The following LRP1B variants were observed in gnomAD, a reference collection of about 807,000 sequenced individuals.
The protein encoded by LRP1B is low-density lipoprotein receptor-related protein 1B.
In LRP1B, 217 loss-of-function variants were observed where a neutral mutation model predicts 556.6. The ratio of observed to expected loss-of-function variants is 0.39; its 90% confidence interval spans 0.35 to 0.44. The LOEUF (loss-of-function observed/expected upper bound fraction) is 0.44. Among genes scored for constraint, LRP1B ranks in the 20% least tolerant of loss-of-function variants. LRP1B has a pLI of 1.00. For synonymous variants in LRP1B, 2,047 were observed against 1,865.8 expected (o/e 1.10, Z -2.50); for missense variants, 5,053 against 5,620.8 (o/e 0.90, Z 3.23).
At chr2:140,412,066 C>G (rs1684988564) in intron 66 of LRP1B, among the ~76,000 whole-genome samples, 1 of 152,084 alleles carries the variant, frequency 6.6e-6, no homozygotes, top group African/African-American at 2.4e-5. Context: ...CACTATGTCA[C>G]TTTCACCAAG....
At chr2:141,583,816 T>C (rs963684185) in intron 2 of LRP1B, among the ~76,000 whole-genome samples, 15 of 151,144 alleles carry the variant, frequency 9.9e-5, no homozygotes, top group African/African-American at 3.6e-4. Flanking sequence ...CTCGGCTCAC[T>C]GCAACTTCTG....
intron 14 of LRP1B, among the ~76,000 whole-genome samples, chr2:141,006,283 G>T (rs1298870741): frequency 2.6e-5 from 4 of 152,044 alleles, no homozygotes; most frequent in Middle Eastern, 3.4e-3. Flanking sequence ...ATTTCTTTAT[G>T]TTGGGAACAT....
chr2:141,773,835 A>G (rs1008393611), intron 2 of LRP1B, among the ~76,000 whole-genome samples: 8 of 152,254 alleles, frequency 5.3e-5, no homozygotes, highest in Non-Finnish European at 1.2e-4. Context: ...GTGTGCAATC[A>G]AGTAGAAACA....
At chr2:141,343,264 C>A (rs1559018332) in intron 3 of LRP1B, among the ~76,000 whole-genome samples, 1 of 152,100 alleles carries the variant, frequency 6.6e-6, no homozygotes, top group African/African-American at 2.4e-5. Flanking sequence ...TGCATAATTT[C>A]TTTATCTCTA....
intron 66 of LRP1B, among the ~76,000 whole-genome samples, chr2:140,395,626 T>G (rs1684214195): frequency 6.6e-6 from 1 of 152,318 alleles, no homozygotes; most frequent in South Asian, 2.1e-4. Context: ...TTTTCAAAAC[T>G]TTTATGTTAT....
chr2:140,840,854 T>C lies in LRP1B; in HGVS notation c.5114+64A>G, dbSNP rs913631240. 4.6e-6 allele frequency: 6 copies of C among 1,292,090 alleles called. No individual in the cohort carries two copies. In the African/African-American group the frequency reaches 7.6e-5, roughly 16 times the overall value. The allele number at this position is 1,292,090 out of a possible 1,614,324, so 80.0% of individuals were successfully genotyped here. On this transcript the variant is annotated intron_variant, in intron 30 of 90. Coordinates refer to ENST00000389484, the MANE Select transcript of LRP1B (RefSeq NM_018557.3). ...TCCTCTGAATTAAGCAATGTTTTTA[T>C]ATAAAATCAGGGCAAAAGTCTATGA...
intron 7 of LRP1B, among the ~76,000 whole-genome samples, chr2:141,138,031 G>A (rs546201931): frequency 2.0e-5 from 3 of 151,928 alleles, no homozygotes; most frequent in South Asian, 4.1e-4. Context: ...TTAGATCCAA[G>A]ATTTCGAACT....
chr2:141,473,807 AGTG>A (rs60044875), intron 3 of LRP1B, among the ~76,000 whole-genome samples: 78,134 of 151,904 alleles, frequency 0.51, 20,403 homozygotes, highest in South Asian at 0.73. Flanking sequence ...TAACATTGCA[AGTG>A]TTATGCAACT....
chr2:141,419,648 TTCTC>T (rs1227230708), intron 3 of LRP1B, among the ~76,000 whole-genome samples: 1 of 152,128 alleles, frequency 6.6e-6, no homozygotes, highest in East Asian at 1.9e-4. Context: ...TTTATGAGTC[TTCTC>T]TCTTTTTTCT....
intron 3 of LRP1B, among the ~76,000 whole-genome samples, chr2:141,464,990 TAAGGA>T (rs1682125084): frequency 6.6e-6 from 1 of 151,182 alleles, no homozygotes; most frequent in South Asian, 2.1e-4. Flanking sequence ...ATCAGTGGGC[TAAGGA>T]AAGGAAACAA....
chr2:140,943,565 C>A (rs910058662), intron 20 of LRP1B, among the ~76,000 whole-genome samples: 2 of 152,090 alleles, frequency 1.3e-5, no homozygotes, highest in African/African-American at 4.8e-5. Context: ...TCATACCAAG[C>A]ATCTTCTAAA....
chr2:141,155,389 G>C (rs970058600), intron 7 of LRP1B, among the ~76,000 whole-genome samples: 85 of 151,770 alleles, frequency 5.6e-4, no homozygotes, highest in Non-Finnish European at 4.7e-4. Flanking sequence ...TAGCTTTATT[G>C]GTAAGTACAT....
intron 84 of LRP1B, among the ~76,000 whole-genome samples, chr2:140,284,810 T>C (rs1487754565): frequency 6.6e-6 from 1 of 151,378 alleles, no homozygotes; most frequent in Admixed American, 6.6e-5. Context: ...TAAAGATAGA[T>C]GTATATTTGT....
rs1201134291 is a variant in LRP1B, at chr2:141,031,300, AAG to A, written c.1790-11200_1790-11199del. 1.3e-4 allele frequency among the ~76,000 whole-genome samples: 19 copies of A among 147,720 alleles called. No homozygotes were observed. In the East Asian group the frequency reaches 1.6e-3, roughly 13 times the overall value. On this transcript the variant is annotated intron_variant, in intron 11 of 90. Transcript: ENST00000389484. ...ACACACATACATACATATATATATA[AAG>A]AGAGAGAGAGAGGAAATAAAAATGC...
chr2:141,277,148 T>C (rs561873116), intron 3 of LRP1B, among the ~76,000 whole-genome samples: 12 of 152,232 alleles, frequency 7.9e-5, no homozygotes, highest in Non-Finnish European at 1.2e-4. Flanking sequence ...CCTTTGGGTG[T>C]ATATTTAATA....
chr2:141,071,946 T>G (rs1486543919), intron 7 of LRP1B, among the ~76,000 whole-genome samples: 3 of 152,254 alleles, frequency 2.0e-5, no homozygotes, highest in Admixed American at 1.3e-4. Context: ...AATTTATAGA[T>G]TCAATGCCAT....
Position 140,536,602 on chromosome 2 carries a change from C to A in LRP1B, c.7621G>T (p.Asp2541Tyr), listed in dbSNP as rs2105003284. 1 of 1,609,272 alleles carries A rather than the reference C, an allele frequency of 6.2e-7. No individual in the cohort carries two copies. Among genetic ancestry groups the A allele is most frequent in the Non-Finnish European group, 8.5e-7 (1 of 1,178,288 alleles). Residue 2541 changes from aspartate (D) to tyrosine (Y), a missense_variant, in exon 46 of 91, where the codon GAT (aspartate) becomes TAT (tyrosine). Asp to Tyr is a radical substitution (Grantham distance 160, BLOSUM62 -3). Around this residue, in one of 5 missense-constraint regions of LRP1B, gnomAD observed 3,619 missense variants for 3,931.9 expected, o/e 0.92. Coordinates refer to ENST00000389484, the MANE Select transcript of LRP1B (RefSeq NM_018557.3). The part of the protein sequence containing the change: ...DGIPHCKDKS[D>Y]EKLLYCENRS... Reference sequence around the variant, plus strand: ...TTACCACAGTAGAGCAGTTTTTCATCTGATTTATCTTTACAGTGAGGAATG... The same window carrying A: ...TTACCACAGTAGAGCAGTTTTTCATATGATTTATCTTTACAGTGAGGAATG...
intron 20 of LRP1B, among the ~76,000 whole-genome samples, chr2:140,948,840 A>G (rs538032849): frequency 1.5e-4 from 23 of 152,338 alleles, no homozygotes; most frequent in African/African-American, 5.3e-4. Context: ...AAATCACACA[A>G]TATGTATTTT....
At chr2:141,603,792 A>T (rs1457327721) in intron 2 of LRP1B, among the ~76,000 whole-genome samples, 1 of 152,170 alleles carries the variant, frequency 6.6e-6, no homozygotes, top group Non-Finnish European at 1.5e-5. Flanking sequence ...TTCTTCTCTC[A>T]AAACTCATCT....
Sources: allele counts gnomAD v4.1 joint callset (sites outside exome capture counted in the v4.1 genomes callset), GRCh38; gene constraint gnomAD v4.1.1; regional missense constraint gnomAD v4.1.1; transcripts MANE v1.5; gene names NCBI Gene and HGNC (gene_info 2026-07-23, HGNC 2026-07-21).